The following MRPL30 variants were observed in gnomAD, a reference collection of about 807,000 sequenced individuals.
MRPL30 encodes mitochondrial ribosomal protein L30.
Under a neutral mutation model 17.2 loss-of-function variants are expected in MRPL30, and 10 were observed. The observed-to-expected ratio is 0.58, with a 90% CI of 0.36 to 0.99. MRPL30 has a LOEUF of 0.99. Ranked by LOEUF, MRPL30 falls within the 50% of genes least tolerant of loss-of-function variation. The pLI, the probability that MRPL30 is intolerant of heterozygous loss-of-function variation, is 0.01. For synonymous variants in MRPL30, 61 were observed against 62.1 expected, an observed-to-expected ratio of 0.98 and a Z score of 0.08; for missense variants, 170 against 189.8, an observed-to-expected ratio of 0.90 and a Z score of 0.61.
chr2:99,193,874 C>T (rs949976903), intron 3 of MRPL30, among the ~76,000 whole-genome samples: 1 of 151,900 alleles, frequency 6.6e-6, no homozygotes, highest in African/African-American at 2.4e-5. Context: ...CCCATCTCTA[C>T]CAAAAATAGA....
chr2:99,193,824 G>A (rs1187259981), intron 3 of MRPL30, among the ~76,000 whole-genome samples: 1 of 152,094 alleles, frequency 6.6e-6, no homozygotes, highest in Non-Finnish European at 1.5e-5. Context: ...GGATCACAAG[G>A]TCAGGAGTTC....
In MRPL30 at chr2:99,194,835, A is replaced by G; in HGVS notation, c.217A>G (p.Lys73Glu). Residue 73 changes from lysine to glutamate, a missense_variant, in exon 4 of 6, where the codon AAA becomes GAA. Physicochemically the swap from Lys to Glu is moderately conservative, Grantham distance 56. Coordinates refer to ENST00000338148, the MANE Select transcript of MRPL30 (RefSeq NM_145212.4). ...TAAACTGCATATTGTTACCAGAATA[A>G]AAAGTACAAGAAGACGTCCATATTG... ...PHKLHIVTRI[K>E]STRRRPYWEK... 6.3e-7 allele frequency: 1 copy of G among 1,596,432 alleles called. No homozygotes were observed. The highest frequency in any genetic ancestry group is 1.2e-5 in the South Asian group (1 of 86,756).
intron 1 of MRPL30, among the ~76,000 whole-genome samples, chr2:99,181,825 C>G (rs942396959): frequency 2.0e-5 from 3 of 152,176 alleles, no homozygotes; most frequent in Non-Finnish European, 4.4e-5. Context: ...ACTAGGAGTT[C>G]AGAGAAGAGA....
intron 3 of MRPL30, among the ~76,000 whole-genome samples, chr2:99,193,728 T>C (rs1349693835): frequency 6.6e-6 from 1 of 152,218 alleles, no homozygotes; most frequent in East Asian, 1.9e-4. Context: ...TATTGTATCC[T>C]ATAGGATACA....
intron 3 of MRPL30, among the ~76,000 whole-genome samples, chr2:99,192,806 ACCAC>A (rs1421619408): frequency 2.0e-5 from 3 of 152,186 alleles, no homozygotes; most frequent in African/African-American, 7.2e-5. Context: ...TTGAGGAATC[ACCAC>A]ACTGTCTTCC....
chr2:99,193,074 C>T (rs774922422), intron 3 of MRPL30, among the ~76,000 whole-genome samples: 1 of 152,102 alleles, frequency 6.6e-6, no homozygotes, highest in Non-Finnish European at 1.5e-5. Flanking sequence ...TTGCAATCTA[C>T]CCATCTGACA....
chr2:99,189,928 C>G (rs1015074855), intron 3 of MRPL30, among the ~76,000 whole-genome samples: 2 of 150,766 alleles, frequency 1.3e-5, no homozygotes, highest in Non-Finnish European at 2.9e-5. Flanking sequence ...TAACTGCCAA[C>G]CTAGGCAACA....
chr2:99,188,322 G>A (rs532891877), intron 3 of MRPL30, 65 bp downstream of exon 3: 113 of 1,222,944 alleles, frequency 9.2e-5, no homozygotes, highest in Middle Eastern at 5.8e-4. Context: ...AGTGGTACCC[G>A]TTTTTGTAAT....
rs114050569 is a variant in MRPL30, at chr2:99,192,267, C to T, written c.133-2484C>T. On this transcript the variant is annotated intron_variant, in intron 3 of 5. Transcript: ENST00000338148. Reference sequence around the variant, plus strand: ...TCTCTGTTTAGTAATATAATATGAACCTCTCACTGTATACATTTTTTTTTA... The same window carrying T: ...TCTCTGTTTAGTAATATAATATGAATCTCTCACTGTATACATTTTTTTTTA... Among the ~76,000 whole-genome samples the T allele has an allele frequency of 9.7e-3, 1,467 of 151,824 alleles. 9 individuals are homozygous for T. Among genetic ancestry groups the T allele is most frequent in the Non-Finnish European group, 0.014 (941 of 67,968 alleles).
intron 1 of MRPL30, among the ~76,000 whole-genome samples, chr2:99,181,939 G>A (rs1239479231): frequency 6.6e-6 from 1 of 151,222 alleles, no homozygotes; most frequent in Non-Finnish European, 1.5e-5. Flanking sequence ...TACATTGTCG[G>A]TTTAGAAAAA....
At position 99,195,629 on chromosome 2, in the gene MRPL30, C is replaced by T. The variant is rs370953868; in HGVS notation, c.410C>T (p.Thr137Met). The change falls in exon 6 of 6, where the codon ACG becomes ATG. Residue 137 changes from threonine (T) to methionine (M), a missense_variant. Physicochemically the swap from Thr to Met is moderately conservative, Grantham distance 81 (BLOSUM62 -1). Transcript: ENST00000338148. Reference sequence around the variant, plus strand: ...CCAGCAGAGGAGAACATGTCTAACACGTGCCTCAAAAGCACTGGGGAGTTA... The same window carrying T: ...CCAGCAGAGGAGAACATGTCTAACATGTGCCTCAAAAGCACTGGGGAGTTA... The part of the protein sequence containing the change: ...GLPAEENMSN[T>M]CLKSTGELVV... 9.7e-5 allele frequency: 157 copies of T among 1,613,430 alleles called. No individual in the cohort carries two copies. The highest frequency in any genetic ancestry group is 6.0e-4 in the Admixed American group (36 of 59,742).
At chr2:99,195,332 A>C in intron 5 of MRPL30, 143 bp downstream of exon 5, 1 of 835,080 alleles carries the variant, frequency 1.2e-6, no homozygotes, top group Middle Eastern at 3.1e-4. Flanking sequence ...GACACATAAT[A>C]ATTGTACATA....
rs2093956828 is a variant in MRPL30, at chr2:99,197,507, A to C, written c.*1802A>C. On this transcript the variant is annotated 3_prime_UTR_variant, in exon 6 of 6. Coordinates refer to ENST00000338148, the MANE Select transcript of MRPL30 (RefSeq NM_145212.4). ...CCTGGAGGGGAGCCAAAGGACACTA[A>C]CTTCTAAGAGCTCCGTCTAGTTGGA... 6.6e-6 allele frequency: 1 copy of C among 152,236 alleles called. No individual in the cohort carries two copies. The highest frequency in any genetic ancestry group is 1.5e-5 in the Non-Finnish European group (1 of 68,048). 9.4% of individuals were successfully genotyped at this position (152,236 alleles called of 1,614,324 possible).
At chr2:99,193,758 G>A (rs897155397) in intron 3 of MRPL30, among the ~76,000 whole-genome samples, 3 of 151,978 alleles carry the variant, frequency 2.0e-5, no homozygotes, top group Non-Finnish European at 4.4e-5. Flanking sequence ...GTGTATTTGC[G>A]CCAGGCGTGG....
rs2093955052 is a variant in MRPL30 at position 99,196,235 on chromosome 2, A to T, written c.*530A>T. The stretch of plus-strand genomic sequence containing the variant: ...CATGTAAGAATGGCAATGTTTGAAC[A>T]TCTGCGTTTGGGTCTACTGCCACCT... On this transcript the variant is annotated 3_prime_UTR_variant, in exon 6 of 6. Coordinates refer to ENST00000338148, the MANE Select transcript of MRPL30 (RefSeq NM_145212.4). The T allele has an allele frequency of 6.4e-6, 1 of 155,786 alleles. No homozygotes were observed. The allele number at this position is 155,786 out of a possible 1,614,324, so 9.7% of individuals were successfully genotyped here.
At chr2:99,182,027 G>A (rs1480993553) in intron 1 of MRPL30, among the ~76,000 whole-genome samples, 3 of 151,924 alleles carry the variant, frequency 2.0e-5, no homozygotes, top group East Asian at 1.9e-4. Flanking sequence ...CTGGGGGGGA[G>A]AAGGGGGAGG....
At chr2:99,182,515 A>G (rs1019742499) in intron 1 of MRPL30, among the ~76,000 whole-genome samples, 1 of 152,272 alleles carries the variant, frequency 6.6e-6, no homozygotes, top group African/African-American at 2.4e-5. Flanking sequence ...AGATCGTGCC[A>G]CTGCACTCCA....
intron 4 of MRPL30, 43 bp from the exon 5 acceptor site, chr2:99,195,073 G>A: frequency 1.3e-6 from 2 of 1,502,894 alleles, no homozygotes; most frequent in South Asian, 1.3e-5. Context: ...GGAACTATCT[G>A]CTTTTCAGAT....
At position 99,190,512 on chromosome 2, in the gene MRPL30, C is replaced by T. The variant is rs142194876; in HGVS notation, c.132+2255C>T. 3.6e-3 allele frequency among the ~76,000 whole-genome samples: 547 copies of T among 151,710 alleles called. 2 individuals carry two copies. The highest frequency in any genetic ancestry group is 6.6e-3 in the Non-Finnish European group (447 of 67,870). ...GGTCAAGGGTGTAGTGAGCCATGAT[C>T]GGATCAGTGCACTCCAGCCTGGGCA... On this transcript the variant is annotated intron_variant, in intron 3 of 5. Coordinates refer to ENST00000338148, the MANE Select transcript of MRPL30 (RefSeq NM_145212.4).
Sources: gnomAD v4.1 joint callset for allele counts (sites outside exome capture counted in the v4.1 genomes callset) on GRCh38, gnomAD v4.1.1 for gene constraint, MANE v1.5 for transcripts, NCBI Gene and HGNC (gene_info 2026-07-23, HGNC 2026-07-21) for gene names.